Variants in MYH7 observed in about 807,000 individuals in gnomAD.
MYH7 encodes the protein myosin heavy chain 7.
MYH7 carries 129 observed loss-of-function variants against 225.4 expected under a neutral mutation model. The ratio of observed to expected loss-of-function variants is 0.57; its 90% CI spans 0.50 to 0.66. The LOEUF (loss-of-function observed/expected upper bound fraction) is 0.66. Ranked by LOEUF, MYH7 falls within the 30% of genes least tolerant of loss-of-function variation. The pLI, the probability that MYH7 is intolerant of heterozygous loss-of-function variation, is 0.00. For synonymous variants in MYH7, 971 were observed against 1,007.6 expected (o/e 0.96, Z 0.69); for missense variants, 1,649 against 2,517.0 (o/e 0.66, Z 7.38).
chr14:23,420,851 C>T, intron 26 of MYH7, 107 bp downstream of exon 26: 1 of 847,978 alleles, frequency 1.2e-6, no homozygotes, highest in Non-Finnish European at 2.0e-6. Context: ...TCCATGGACA[C>T]ATAATCAGTT....
At chr14:23,416,414 G>T in intron 33 of MYH7, 102 bp from the exon 34 acceptor site, 4 of 1,290,898 alleles carry the variant, frequency 3.1e-6, no homozygotes, top group South Asian at 1.4e-5. Flanking sequence ...TTCAAGAGTG[G>T]TGTAAGTGGT....
rs1329488772 is a variant in MYH7, at chr14:23,422,176, G to A, written c.3245+4C>T. On this transcript the variant is annotated splice_donor_region_variant and intron_variant, in intron 25 of 39. Coordinates refer to ENST00000355349, the MANE Select transcript of MYH7 (RefSeq NM_000257.4). ...GGAAGGGCAGCAGGGAGGGGACACA[G>A]TACTTTTTCAGCCGCTCATCCAGCT... The A allele has an allele frequency of 1.2e-6, 2 of 1,612,722 alleles. No homozygotes were observed. Among genetic ancestry groups the A allele is most frequent in the Admixed American group, 1.7e-5 (1 of 60,020 alleles).
At chr14:23,421,198 A>T in intron 25 of MYH7, 150 bp from the exon 26 acceptor site, 1 of 688,416 alleles carries the variant, frequency 1.5e-6, no homozygotes, top group Non-Finnish European at 2.6e-6. Context: ...CTGGAAGTGT[A>T]ACACCTGCGG....
At chr14:23,423,879 G>T (rs1892583808) in intron 23 of MYH7, 28 bp downstream of exon 23, 1 of 1,613,604 alleles carries the variant, frequency 6.2e-7, no homozygotes, top group African/African-American at 1.3e-5. Flanking sequence ...ATGAGACCCG[G>T]GCTGGAGCCA....
At chr14:23,431,916 C>G in intron 6 of MYH7, 47 bp from the exon 7 acceptor site, 4 of 1,581,566 alleles carry the variant, frequency 2.5e-6, no homozygotes, top group Non-Finnish European at 3.5e-6. Context: ...CTACTGGAGA[C>G]CAGCAAGCCT....
At chr14:23,419,719 G>C in intron 27 of MYH7, 110 bp from the exon 28 acceptor site, 1 of 1,611,816 alleles carries the variant, frequency 6.2e-7, no homozygotes, top group Non-Finnish European at 8.5e-7. Context: ...AAAAGAAGGA[G>C]GGGATCTGAG....
Position 23,433,287 on chromosome 14 carries a change from G to A in MYH7, c.202-60C>T. On this transcript the variant is annotated intron_variant, in intron 3 of 39. Coordinates refer to ENST00000355349, the MANE Select transcript of MYH7 (RefSeq NM_000257.4). This position sits in a 1 kb window ranked among gnomAD's most constrained non-coding sequence, Gnocchi z 4.1. ...CTGGGCTTTCCCTCCTTCCTCAAGA[G>A]GGTTAGGAGTTGGTGAGTGACAGGG... 3.7e-6 allele frequency: 6 copies of A among 1,612,282 alleles called. No homozygotes were observed. In the African/African-American group the frequency reaches 6.7e-5, roughly 18 times the overall value.
intron 1 of MYH7, among the ~76,000 whole-genome samples, chr14:23,434,462 C>G (rs1431318272): frequency 1.3e-5 from 2 of 152,230 alleles, no homozygotes; most frequent in Admixed American, 1.3e-4. Flanking sequence ...CTGGTGTCAA[C>G]TCAACCTGAA....
chr14:23,432,919 T>G, intron 4 of MYH7, 124 bp from the exon 5 acceptor site: 1 of 1,493,744 alleles, frequency 6.7e-7, no homozygotes, highest in South Asian at 1.2e-5. Context: ...GCACTCAATC[T>G]GAGTAATGCC....
intron 39 of MYH7, among the ~76,000 whole-genome samples, chr14:23,413,466 C>T (rs1892052009): frequency 6.6e-6 from 1 of 151,670 alleles, no homozygotes; most frequent in African/African-American, 2.4e-5. Flanking sequence ...ATCCCAGCTA[C>T]TTGGGAGGCT....
rs267606911 is a variant in MYH7 at position 23,428,587 on chromosome 14, C to A, written c.1491G>T (p.Glu497Asp). The change falls in exon 15 of 40, where the codon GAG (glutamate) becomes GAT (aspartate). Residue 497 changes from glutamate (E) to aspartate (D), a missense_variant. By Grantham distance (45) the Glu-to-Asp change is conservative (BLOSUM62 2). Transcript: ENST00000355349. ...QFFNHHMFVL[E>D]QEEYKKEGIE... ...TGCCCTCCTTCTTGTACTCCTCCTGCTCCAGCACAAACATGTGGTGGTTGA... is the reference window on the plus strand; with the variant it reads ...TGCCCTCCTTCTTGTACTCCTCCTGATCCAGCACAAACATGTGGTGGTTGA... The A allele has an allele frequency of 5.0e-6, 8 of 1,614,094 alleles. No homozygotes were observed.
At position 23,425,788 on chromosome 14, in the gene MYH7, A is replaced by T; in HGVS notation, c.2193T>A (p.Pro731=). ...RYRILNPAAI[P]EGQFIDSRKG... ...TCCTGCTATCAATGAACTGTCCCTC[A>T]GGGATGGCCGCTGGGTTCAGGATGC... Residue 731 remains proline (P), a synonymous_variant, in exon 20 of 40, where the codon CCT becomes CCA. Transcript: ENST00000355349. This position sits in a 1 kb window ranked among gnomAD's most constrained non-coding sequence, Gnocchi z 4.6. The T allele has an allele frequency of 6.2e-7, 1 of 1,613,990 alleles. No individual in the cohort carries two copies. Among genetic ancestry groups the T allele is most frequent in the South Asian group, 1.1e-5 (1 of 91,076 alleles).
rs1892644033 is a variant in MYH7 at position 23,425,124 on chromosome 14, C to T, written c.2424-100G>A. Reference sequence around the variant, plus strand: ...TCCCATTTCCTTCATCCCTCCCACCCTTCCTGAGGCCTCTGACCCTGTGAC... The same window carrying T: ...TCCCATTTCCTTCATCCCTCCCACCTTTCCTGAGGCCTCTGACCCTGTGAC... On this transcript the variant is annotated intron_variant, in intron 21 of 39. Transcript: ENST00000355349. The surrounding 1 kb of genome is among the most constrained non-coding windows in gnomAD (Gnocchi z 4.6). The T allele has an allele frequency of 2.5e-6, 4 of 1,605,608 alleles. No individual in the cohort carries two copies. In the East Asian group the frequency reaches 8.9e-5, roughly 36 times the overall value.
intron 12 of MYH7, 73 bp from the exon 13 acceptor site, chr14:23,429,420 A>C (rs914864042): frequency 1.2e-5 from 17 of 1,444,916 alleles, no homozygotes; most frequent in Non-Finnish European, 8.7e-6. Flanking sequence ...TCATGCCTGT[A>C]ATCCCAGCAC....
chr14:23,428,116 C>T (rs941241672), intron 15 of MYH7, among the ~76,000 whole-genome samples: 9 of 152,136 alleles, frequency 5.9e-5, no homozygotes, highest in Non-Finnish European at 1.3e-4. Context: ...TGGATTCTAT[C>T]GATGCTGTAC....
chr14:23,426,734 G>A (rs764031460), intron 18 of MYH7, 43 bp downstream of exon 18: 45 of 1,552,072 alleles, frequency 2.9e-5, no homozygotes, highest in South Asian at 3.3e-5. Flanking sequence ...TTCCCAGGGC[G>A]GTGTATGCCC....
rs45489294 is a variant in MYH7, at chr14:23,417,925, G to T, written c.4170-239C>A. The T allele has an allele frequency of 0.02, 17,663 of 866,358 alleles. 256 individuals are homozygous for T. The highest frequency in any genetic ancestry group is 0.028 in the Non-Finnish European group (13,805 of 499,338). The allele number at this position is 866,358 out of a possible 1,614,324, so 53.7% of individuals were successfully genotyped here. A position where few individuals can be genotyped will look rare whatever the true frequency, so the allele number is the denominator to read the frequency against. On this transcript the variant is annotated intron_variant, in intron 30 of 39. Coordinates refer to ENST00000355349, the MANE Select transcript of MYH7 (RefSeq NM_000257.4). ...CGCTATGGACATTGAGGAGGTATGG[G>T]CTTCTGCAGCCCTCCCCACTGCCTT...
intron 1 of MYH7, among the ~76,000 whole-genome samples, chr14:23,434,655 C>T (rs1337100925): frequency 2.0e-5 from 3 of 152,200 alleles, no homozygotes; most frequent in Admixed American, 6.5e-5. Context: ...ATGAGGAAAT[C>T]GAGGTTAAAT....
At chr14:23,423,405 C>T (rs1424330500) in intron 24 of MYH7, 142 bp downstream of exon 24, 19 of 1,202,190 alleles carry the variant, frequency 1.6e-5, no homozygotes, top group Non-Finnish European at 2.2e-5. Flanking sequence ...TTAACATCCT[C>T]TAACCCTACC....
Sources: allele counts gnomAD v4.1 joint callset (sites outside exome capture counted in the v4.1 genomes callset), GRCh38; gene constraint gnomAD v4.1.1; non-coding constraint Gnocchi (gnomAD v3.1); transcripts MANE v1.5; gene names NCBI Gene and HGNC (gene_info 2026-07-23, HGNC 2026-07-21).